MYBPC2: variants seen among roughly 807,000 people sequenced by gnomAD.
MYBPC2 encodes myosin binding protein C2.
In MYBPC2, 122 loss-of-function variants were observed where a neutral mutation model predicts 137.0. The observed-to-expected ratio is 0.89, with a 90% CI of 0.77 to 1.03. The LOEUF is 1.03. Ranked by LOEUF, MYBPC2 falls within the 50% of genes least tolerant of loss-of-function variation. The pLI is 0.00. For synonymous variants in MYBPC2, 626 were observed against 612.3 expected (o/e 1.02, Z -0.33); for missense variants, 1,500 against 1,534.4 (o/e 0.98, Z 0.37).
chr19:50,443,170 A>C (rs1474805624), intron 9 of MYBPC2, among the ~76,000 whole-genome samples: 2 of 152,050 alleles, frequency 1.3e-5, no homozygotes, highest in African/African-American at 4.8e-5. Flanking sequence ...AAAGAGAAAA[A>C]AAAATTAGCT....
intron 19 of MYBPC2, 51 bp from the exon 20 acceptor site, chr19:50,455,432 TACCTCTGACTCCTGCCCCTTCCTGCTG>T: frequency 1.3e-6 from 2 of 1,571,440 alleles, no homozygotes; most frequent in African/African-American, 1.3e-5. Flanking sequence ...CCAATCATTC[TACCTCTGACTCCTGCCCCTTCCTGCTG>T]ACCCCTGACC....
intron 13 of MYBPC2, among the ~76,000 whole-genome samples, chr19:50,448,751 C>T (rs1315190100): frequency 1.5e-4 from 22 of 148,454 alleles, no homozygotes; most frequent in South Asian, 2.2e-4. Context: ...TGAGCCACCA[C>T]GCCTGGACTT....
chr19:50,464,509 C>A lies in MYBPC2; in HGVS notation c.3392C>A (p.Ala1131Asp), dbSNP rs1432746982. ...GTCAACGAGCTGGGCGAGGCGCTGG[C>A]TGAGTGCAAGCTGGAGGTCCGAGGT... is the stretch of plus-strand genomic sequence containing the variant. ...RAVNELGEAL[A>D]ECKLEVRVPQ is the part of the protein sequence containing the mutation. The change falls in exon 27 of 28, where the codon GCT becomes GAT. Residue 1131 changes from alanine to aspartate, a missense_variant. Transcript: ENST00000357701. The A allele has an allele frequency of 6.2e-7, 1 of 1,611,170 alleles. No homozygotes were observed. Among genetic ancestry groups the A allele is most frequent in the South Asian group, 1.1e-5 (1 of 90,690 alleles).
rs1434472789 is a variant in MYBPC2 at position 50,450,947 on chromosome 19, C to T, written c.1579+12C>T. 1 of 1,553,834 alleles carries T rather than the reference C, an allele frequency of 6.4e-7. No individual in the cohort carries two copies. The highest frequency in any genetic ancestry group is 1.9e-5 in the Admixed American group (1 of 51,336). On this transcript the variant is annotated intron_variant, in intron 14 of 27. Coordinates refer to ENST00000357701, the MANE Select transcript of MYBPC2 (RefSeq NM_004533.4). The stretch of plus-strand genomic sequence containing the variant: ...GCTCAACTTCCTGGGTGAGGATGCC[C>T]CTTCCTCCTTCCCTGGGGGCTGTAG...
chr19:50,433,865 C>G (rs1425624252), intron 1 of MYBPC2, among the ~76,000 whole-genome samples: 1 of 152,190 alleles, frequency 6.6e-6, no homozygotes, highest in African/African-American at 2.4e-5. Flanking sequence ...TGCTTGAGGC[C>G]AGGAGTTCAA....
chr19:50,450,915 C>T lies in MYBPC2; in HGVS notation c.1559C>T (p.Ser520Leu), dbSNP rs760771137. ...CCTGACGGCTACGCCCTGTCGCTCT[C>T]GGCCAAGCTCAACTTCCTGGGTGAG... ...FVPDGYALSLSAKLNFLEIKV... is the reference protein window; with the variant it reads ...FVPDGYALSLLAKLNFLEIKV... Residue 520 changes from serine (S) to leucine (L), a missense_variant, in exon 14 of 28, where the codon TCG becomes TTG. Coordinates refer to ENST00000357701, the MANE Select transcript of MYBPC2 (RefSeq NM_004533.4). 91 of 1,569,876 alleles carry T rather than the reference C, an allele frequency of 5.8e-5. No homozygotes were observed. The highest frequency in any genetic ancestry group is 1.7e-4 in the Middle Eastern group (1 of 6,030).
intron 10 of MYBPC2, 35 bp downstream of exon 10, chr19:50,443,653 G>T (rs759897532): frequency 6.2e-7 from 1 of 1,611,738 alleles, no homozygotes; most frequent in South Asian, 1.1e-5. Context: ...CCTGGAGAGG[G>T]ACTGGAACTC....
chr19:50,435,281 C>T lies in MYBPC2; in HGVS notation c.109+31C>T. ...GAGGTGCTCCCTCGGGCTCAACCGA[C>T]CTGGCTTCTCATCTCCATCCTCCTC... is the stretch of plus-strand genomic sequence containing the variant. On this transcript the variant is annotated intron_variant, in intron 2 of 27. Transcript: ENST00000357701. The surrounding 1 kb of genome is among the most constrained non-coding windows in gnomAD (Gnocchi z 4.8). 1 of 788,706 alleles carries T rather than the reference C, an allele frequency of 1.3e-6. No homozygotes were observed. The highest frequency in any genetic ancestry group is 2.4e-4 in the Middle Eastern group (1 of 4,246). 48.9% of individuals were successfully genotyped at this position (788,706 alleles called of 1,614,324 possible).
intron 24 of MYBPC2, 119 bp downstream of exon 24, chr19:50,460,298 G>A: frequency 1.5e-6 from 2 of 1,379,238 alleles, no homozygotes; most frequent in East Asian, 2.5e-5. Flanking sequence ...GACGGGCTGG[G>A]GCCAGGAGGG....
At chr19:50,459,052 G>A (rs1308165200) in intron 22 of MYBPC2, 46 bp downstream of exon 22, 1 of 1,567,456 alleles carries the variant, frequency 6.4e-7, no homozygotes, top group African/African-American at 1.4e-5. Context: ...CTCGCCGCAA[G>A]CCCCCTTTTT....
chr19:50,453,997 G>A (rs372711071), intron 16 of MYBPC2, 23 bp from the exon 17 acceptor site: 27 of 1,573,214 alleles, frequency 1.7e-5, no homozygotes, highest in Non-Finnish European at 2.2e-5. Flanking sequence ...TGGGGTGCAA[G>A]GCCATCTGGT....
chr19:50,440,824 G>T (rs763202808), intron 7 of MYBPC2, 56 bp from the exon 8 acceptor site: 16 of 1,525,014 alleles, frequency 1.0e-5, no homozygotes, highest in Admixed American at 2.0e-5. Flanking sequence ...GAAGGCAGAG[G>T]GACATCCTCC....
At position 50,446,058 on chromosome 19, in the gene MYBPC2, G is replaced by C. The variant is rs1383185970; in HGVS notation, c.1306+6G>C. On this transcript the variant is annotated splice_donor_region_variant and intron_variant, in intron 12 of 27. Coordinates refer to ENST00000357701, the MANE Select transcript of MYBPC2 (RefSeq NM_004533.4). The stretch of plus-strand genomic sequence containing the variant: ...GGCCGAGCTGATTGTGGAAGGTATG[G>C]GGCCTCCAGGTAGGGCACGGGCTGC... 3 of 1,611,534 alleles carry C rather than the reference G, an allele frequency of 1.9e-6. No individual in the cohort carries two copies. The highest frequency in any genetic ancestry group is 3.4e-5 in the Admixed American group (2 of 59,700).
Position 50,435,178 on chromosome 19 carries a change from A to T in MYBPC2, c.37A>T (p.Lys13Ter). Residue 13 changes from lysine to a stop codon, truncating the protein, a stop_gained, in exon 2 of 28, where the codon AAA becomes TAA. Transcript: ENST00000357701. LOFTEE classifies it high-confidence loss of function. This position sits in a 1 kb window ranked among gnomAD's most constrained non-coding sequence, Gnocchi z 4.8. The part of the protein sequence containing the change: ...EAKPAAKKAP[K>*]GKDAPKGAPK... ...CCTTACAGCGGCCAAAAAGGCCCCC[A>T]AAGGCAAAGATGCCCCCAAAGGAGC... 1 of 1,362,912 alleles carries T rather than the reference A, an allele frequency of 7.3e-7. No homozygotes were observed. The highest frequency in any genetic ancestry group is 1.0e-6 in the Non-Finnish European group (1 of 955,760). The allele number at this position is 1,362,912 out of a possible 1,614,324, so 84.4% of individuals were successfully genotyped here.
chr19:50,444,496 A>G (rs2122589774), intron 11 of MYBPC2, among the ~76,000 whole-genome samples: 1 of 152,224 alleles, frequency 6.6e-6, no homozygotes, highest in African/African-American at 2.4e-5. Context: ...TCATCCATCT[A>G]TGTACCTATT....
At position 50,450,738 on chromosome 19, in the gene MYBPC2, T is replaced by G. The variant is rs1237836758; in HGVS notation, c.1473-91T>G. On this transcript the variant is annotated intron_variant, in intron 13 of 27. Transcript: ENST00000357701. ...TGGATAAGAATGCAGGCATGTGGACTGCACTGAGGGAAGCTGATTGAGGCG... is the reference window on the plus strand; with the variant it reads ...TGGATAAGAATGCAGGCATGTGGACGGCACTGAGGGAAGCTGATTGAGGCG... 1.3e-5 allele frequency: 11 copies of G among 858,190 alleles called. No homozygotes were observed. In the East Asian group the frequency reaches 2.7e-4, roughly 21 times the overall value. 53.2% of individuals were successfully genotyped at this position (858,190 alleles called of 1,614,324 possible).
rs2040007591 is a variant in MYBPC2 at position 50,465,483 on chromosome 19, CT to C, written c.3416-710del. Among the ~76,000 whole-genome samples the C allele has an allele frequency of 1.3e-5, 2 of 152,234 alleles. No homozygotes were observed. The highest frequency in any genetic ancestry group is 4.8e-5 in the African/African-American group (2 of 41,464). ...CCGGATGGTGACTTCTGACCTCTGA[CT>C]TCCCTGGCTCTGAGGACAGCCCAGC... On this transcript the variant is annotated intron_variant, in intron 27 of 27. Coordinates refer to ENST00000357701, the MANE Select transcript of MYBPC2 (RefSeq NM_004533.4). This position sits in a 1 kb window ranked among gnomAD's most constrained non-coding sequence, Gnocchi z 4.5.
chr19:50,436,805 T>C lies in MYBPC2; in HGVS notation c.463+71T>C, dbSNP rs1346075169. On this transcript the variant is annotated intron_variant, in intron 5 of 27. Transcript: ENST00000357701. ...GGGGTGGACAGATGTACCAGCCAGG[T>C]GTTGGGAGAGTGCACAGGCATGGGC... is the stretch of plus-strand genomic sequence containing the variant. 2.1e-6 allele frequency: 3 copies of C among 1,447,908 alleles called. No homozygotes were observed. The African/African-American group carries it at 4.2e-5, about 20-fold the overall frequency. 89.7% of individuals were successfully genotyped at this position (1,447,908 alleles called of 1,614,324 possible).
At chr19:50,453,494 C>A (rs906536734) in intron 16 of MYBPC2, among the ~76,000 whole-genome samples, 2 of 149,766 alleles carry the variant, frequency 1.3e-5, no homozygotes, top group Admixed American at 1.3e-4. Context: ...ATCTCTGGGA[C>A]AAGGCAGTCT....
Sources: allele counts gnomAD v4.1 joint callset (sites outside exome capture counted in the v4.1 genomes callset), GRCh38; gene constraint gnomAD v4.1.1; non-coding constraint Gnocchi (gnomAD v3.1); transcripts MANE v1.5; gene names NCBI Gene and HGNC (gene_info 2026-07-23, HGNC 2026-07-21).